The following MYO7A variants were observed in gnomAD, a reference collection of about 807,000 sequenced individuals.
The protein encoded by MYO7A is myosin VIIA, also known as unconventional myosin-VIIa.
Under a neutral mutation model 263.8 loss-of-function variants are expected in MYO7A, and 210 were observed. The ratio of observed to expected loss-of-function variants is 0.80; its 90% CI spans 0.71 to 0.89. MYO7A has a LOEUF of 0.89. Ranked by LOEUF, MYO7A falls within the 40% of genes least tolerant of loss-of-function variation. The pLI is 0.00. For missense variants in MYO7A, 2,820 were observed against 2,968.3 expected (o/e 0.95, Z 1.16); for synonymous variants, 1,239 against 1,197.3 (o/e 1.03, Z -0.72).
intron 4 of MYO7A, among the ~76,000 whole-genome samples, chr11:77,152,405 T>C (rs1952050362): frequency 6.6e-6 from 1 of 152,208 alleles, no homozygotes; most frequent in South Asian, 2.1e-4. Context: ...AGGCTTCCTG[T>C]TGTGGCCTTG....
Position 77,162,280 on chromosome 11 carries a change from A to C in MYO7A, c.1504A>C (p.Lys502Gln). Residue 502 changes from lysine to glutamine, a missense_variant, in exon 13 of 49, where the codon AAG becomes CAG. Transcript: ENST00000409709. The part of the protein sequence containing the change: ...NQDALDMIAN[K>Q]PMNIISLIDE... ...GGATGCCCTGGACATGATTGCCAAC[A>C]AGCCCATGAACATCATCTCCCTCAT... 6 of 1,553,232 alleles carry C rather than the reference A, an allele frequency of 3.9e-6. No homozygotes were observed. The highest frequency in any genetic ancestry group is 5.2e-6 in the Non-Finnish European group (6 of 1,147,838).
chr11:77,192,692 G>C (rs1316545638), intron 31 of MYO7A, among the ~76,000 whole-genome samples: 3 of 152,178 alleles, frequency 2.0e-5, no homozygotes, highest in African/African-American at 7.2e-5. Flanking sequence ...GGAGTTATGT[G>C]GTTGTTTTGT....
At chr11:77,211,407 G>A in intron 45 of MYO7A, 70 bp downstream of exon 45, 5 of 1,466,646 alleles carry the variant, frequency 3.4e-6, no homozygotes, top group Non-Finnish European at 4.6e-6. Context: ...GGGGCCAAGG[G>A]GGCAGACACT....
At chr11:77,173,576 G>A (rs993698356) in intron 16 of MYO7A, among the ~76,000 whole-genome samples, 6 of 152,134 alleles carry the variant, frequency 3.9e-5, no homozygotes, top group Admixed American at 6.5e-5. Context: ...GGGCCACCTC[G>A]CTGCGAGCCC....
At chr11:77,160,825 A>C (rs1477362507) in intron 11 of MYO7A, 148 bp from the exon 12 acceptor site, 5 of 855,534 alleles carry the variant, frequency 5.8e-6, no homozygotes, top group Non-Finnish European at 7.3e-6. Flanking sequence ...CTCCAGGCAG[A>C]GGGAACAGCT....
At chr11:77,185,176 T>G (rs1291097952) in intron 27 of MYO7A, among the ~76,000 whole-genome samples, 1 of 152,236 alleles carries the variant, frequency 6.6e-6, no homozygotes, top group Non-Finnish European at 1.5e-5. Context: ...TGTTGATGGC[T>G]GCTGACTGAT....
chr11:77,206,837 A>G (rs1294248829), intron 41 of MYO7A, among the ~76,000 whole-genome samples: 2 of 152,202 alleles, frequency 1.3e-5, no homozygotes, highest in Non-Finnish European at 2.9e-5. Flanking sequence ...CAAGGACCAA[A>G]GACTTCCTCA....
chr11:77,147,696 CG>C (rs1951669439), intron 3 of MYO7A, 101 bp from the exon 4 acceptor site: 2 of 1,485,572 alleles, frequency 1.3e-6, no homozygotes, highest in Non-Finnish European at 1.8e-6. Context: ...GGCCCTTACC[CG>C]GGTTGGCACT....
rs1957616356 is a variant in MYO7A, at chr11:77,208,493, A to C, written c.5920A>C (p.Lys1974Gln). 1 of 1,613,492 alleles carries C rather than the reference A, an allele frequency of 6.2e-7. No homozygotes were observed. The highest frequency in any genetic ancestry group is 1.3e-5 in the African/African-American group (1 of 74,910). Residue 1974 changes from lysine to glutamine, a missense_variant, in exon 43 of 49, where the codon AAG becomes CAG. Physicochemically the swap from Lys to Gln is moderately conservative, Grantham distance 53. Coordinates refer to ENST00000409709, the MANE Select transcript of MYO7A (RefSeq NM_000260.4). ...TGTTCGACACTTGACAGACTGGATAAAGAAAGCTCGGCCCATCAAGGACGG... is the reference window on the plus strand; with the variant it reads ...TGTTCGACACTTGACAGACTGGATACAGAAAGCTCGGCCCATCAAGGACGG... ...DFVRHLTDWI[K>Q]KARPIKDGIV...
chr11:77,213,710 T>A, intron 47 of MYO7A, 150 bp from the exon 48 acceptor site: 3 of 1,127,998 alleles, frequency 2.7e-6, no homozygotes, highest in Non-Finnish European at 3.8e-6. Flanking sequence ...GGGAGGCACC[T>A]GCTTCCCACC....
intron 18 of MYO7A, among the ~76,000 whole-genome samples, chr11:77,175,991 G>A (rs1333055897): frequency 2.0e-5 from 3 of 152,198 alleles, no homozygotes; most frequent in African/African-American, 2.4e-5. Flanking sequence ...CGGGAGTCGC[G>A]GAGTCACAGC....
At chr11:77,167,986 C>T (rs1953715807) in intron 15 of MYO7A, among the ~76,000 whole-genome samples, 1 of 152,190 alleles carries the variant, frequency 6.6e-6, no homozygotes, top group African/African-American at 2.4e-5. Flanking sequence ...CCAGGAGAGT[C>T]CCCACCCGAA....
intron 4 of MYO7A, among the ~76,000 whole-genome samples, chr11:77,150,483 G>C (rs1324744902): frequency 1.3e-5 from 2 of 152,220 alleles, no homozygotes; most frequent in African/African-American, 4.8e-5. Context: ...CATCCTCCAG[G>C]AGGGTTTCAA....
At chr11:77,142,607 G>T in intron 2 of MYO7A, 102 bp from the exon 3 acceptor site, 1 of 965,288 alleles carries the variant, frequency 1.0e-6, no homozygotes, top group Non-Finnish European at 1.6e-6. Flanking sequence ...TTGTGTGGTT[G>T]GCTCAGAGCC....
rs1954750265 is a variant in MYO7A, at chr11:77,177,562, T to C, written c.2201T>C (p.Met734Thr). ...TKIFLKDHHD[M>T]LLEVERDKAI... is the part of the protein sequence containing the mutation. ...TCTGCCTCCTAGGACCACCATGACA[T>C]GCTGCTGGAAGTGGAGCGGGACAAA... Residue 734 changes from methionine to threonine, a missense_variant, in exon 19 of 49, where the codon ATG (methionine) becomes ACG (threonine). Physicochemically the swap from Met to Thr is moderately conservative, Grantham distance 81. Coordinates refer to ENST00000409709, the MANE Select transcript of MYO7A (RefSeq NM_000260.4). The C allele has an allele frequency of 6.2e-7, 1 of 1,611,158 alleles. No individual in the cohort carries two copies. Among genetic ancestry groups the C allele is most frequent in the Non-Finnish European group, 8.5e-7 (1 of 1,179,020 alleles).
intron 36 of MYO7A, among the ~76,000 whole-genome samples, 170 bp from the exon 37 acceptor site, chr11:77,202,130 G>A (rs1957104714): frequency 6.6e-6 from 1 of 152,250 alleles, no homozygotes; most frequent in East Asian, 1.9e-4. Flanking sequence ...GGAGGCAGCA[G>A]GGACCTCAGA....
rs1952418597 is a variant in MYO7A, at chr11:77,155,920, C to G, written c.299C>G (p.Ser100Cys). Residue 100 changes from serine (S) to cysteine (C), a missense_variant, in exon 5 of 49, where the codon TCC (serine) becomes TGC (cysteine). Coordinates refer to ENST00000409709, the MANE Select transcript of MYO7A (RefSeq NM_000260.4). ...RDHLIYTYTGSILVAVNPYQL... is the reference protein window; with the variant it reads ...RDHLIYTYTGCILVAVNPYQL... Reference sequence around the variant, plus strand: ...TGCTGCCCGCAGACGTATACGGGCTCCATCCTGGTGGCTGTGAACCCCTAC... The same window carrying G: ...TGCTGCCCGCAGACGTATACGGGCTGCATCCTGGTGGCTGTGAACCCCTAC... The G allele has an allele frequency of 6.2e-7, 1 of 1,605,296 alleles. No individual in the cohort carries two copies. The highest frequency in any genetic ancestry group is 8.5e-7 in the Non-Finnish European group (1 of 1,174,870).
At chr11:77,161,223 G>C (rs1211744972) in intron 12 of MYO7A, 108 bp downstream of exon 12, 27 of 1,380,662 alleles carry the variant, frequency 2.0e-5, no homozygotes, top group Non-Finnish European at 2.6e-5. Flanking sequence ...GGCACACTCT[G>C]CCAGGCTGTT....
In MYO7A at chr11:77,156,920, C is replaced by T. The variant is rs1476724849; in HGVS notation, c.651C>T (p.Ile217=). Residue 217 remains isoleucine, a synonymous_variant, in exon 7 of 49, where the codon ATC becomes ATT. Coordinates refer to ENST00000409709, the MANE Select transcript of MYO7A (RefSeq NM_000260.4). ...NDNSSRFGKY[I]DIHFNKRGAI... ...ACTCAAGCCGTTTCGGAAAGTACAT[C>T]GACATCCACTTCAACAAGCGGGGCG... 4 of 1,613,876 alleles carry T rather than the reference C, an allele frequency of 2.5e-6. No homozygotes were observed. Among genetic ancestry groups the T allele is most frequent in the East Asian group, 2.2e-5 (1 of 44,888 alleles).
Sources: gnomAD v4.1 joint callset for allele counts (sites outside exome capture counted in the v4.1 genomes callset) on GRCh38, gnomAD v4.1.1 for gene constraint, MANE v1.5 for transcripts, NCBI Gene and HGNC (gene_info 2026-07-23, HGNC 2026-07-21) for gene names.